The following TCF12 variants were observed in gnomAD, a reference collection of about 807,000 sequenced individuals.
TCF12 encodes transcription factor 12, also known as DNA-binding protein HTF4.
In TCF12, 45 loss-of-function variants were observed where a neutral mutation model predicts 86.0. That is an observed-to-expected ratio of 0.52 (90% CI 0.41 to 0.67). The LOEUF (loss-of-function observed/expected upper bound fraction) is 0.67, where lower values mean the gene tolerates loss of function less well. Ranked by LOEUF, TCF12 falls within the 30% of genes least tolerant of loss-of-function variation. TCF12 has a pLI of 0.00. For synonymous variants in TCF12, 330 were observed against 299.6 expected (o/e 1.10, Z -1.05); for missense variants, 881 against 859.9 (o/e 1.02, Z -0.31).
At chr15:56,955,674 A>G (rs923300249) in intron 3 of TCF12, among the ~76,000 whole-genome samples, 8 of 152,198 alleles carry the variant, frequency 5.3e-5, no homozygotes, top group African/African-American at 1.7e-4. Flanking sequence ...TGCCTTGGCA[A>G]ATGTTCTGTA....
chr15:57,202,866 T>C (rs1160746431), intron 8 of TCF12, among the ~76,000 whole-genome samples: 1 of 152,186 alleles, frequency 6.6e-6, no homozygotes, highest in Non-Finnish European at 1.5e-5. Flanking sequence ...GTACCTACTA[T>C]AAGTGTGGTG....
intron 3 of TCF12, among the ~76,000 whole-genome samples, chr15:57,008,006 G>A (rs76067176): frequency 0.014 from 2,036 of 149,976 alleles, 27 homozygotes; most frequent in Middle Eastern, 0.031. Context: ...TCTCACTGGA[G>A]TGCAGTGGCA....
At chr15:57,009,364 G>C (rs1203571031) in intron 3 of TCF12, among the ~76,000 whole-genome samples, 2 of 152,102 alleles carry the variant, frequency 1.3e-5, no homozygotes, top group Admixed American at 6.5e-5. Flanking sequence ...GTCCTCCTCA[G>C]CCTCCCAAAG....
intron 6 of TCF12, among the ~76,000 whole-genome samples, chr15:57,189,607 G>GCAAT (rs1597182552): frequency 6.6e-6 from 1 of 152,198 alleles, no homozygotes; most frequent in East Asian, 1.9e-4. Flanking sequence ...AGGATATGGA[G>GCAAT]AAATTGGAAC....
chr15:57,075,804 T>TTCTTTCTCTCTCTCTCTCTC lies in TCF12; in HGVS notation c.222+11984_222+11985insTTCTCTCTCTCTCTCTCTCT, dbSNP rs1461514777. On this transcript the variant is annotated intron_variant, in intron 4 of 20. Coordinates refer to ENST00000333725, the MANE Select transcript of TCF12 (RefSeq NM_207037.2). ...TTTCTTTCTTTCTTTCTTTCTTTCTTTCTCTCTCTCTCTCTCTCTCTCTCT... is the reference window on the plus strand; with the variant it reads ...TTTCTTTCTTTCTTTCTTTCTTTCTTTCTTTCTCTCTCTCTCTCTCTCTCTCTCTCTCTCTCTCTCTCTCT... 3.8e-3 allele frequency among the ~76,000 whole-genome samples: 109 copies of TTCTTTCTCTCTCTCTCTCTC among 28,580 alleles called. 3 individuals are homozygous for TTCTTTCTCTCTCTCTCTCTC. Among genetic ancestry groups the TTCTTTCTCTCTCTCTCTCTC allele is most frequent in the Non-Finnish European group, 5.2e-3 (81 of 15,550 alleles). 18.7% of individuals were successfully genotyped at this position (28,580 alleles called of 152,430 possible).
At chr15:57,251,317 C>T in intron 13 of TCF12, 33 bp from the exon 14 acceptor site, 1 of 1,591,514 alleles carries the variant, frequency 6.3e-7, no homozygotes, top group Non-Finnish European at 8.6e-7. Flanking sequence ...ACTGAGTTAA[C>T]CCAGGTGTGT....
At chr15:56,973,163 C>G (rs2062423305) in intron 3 of TCF12, among the ~76,000 whole-genome samples, 1 of 151,972 alleles carries the variant, frequency 6.6e-6, no homozygotes, top group African/African-American at 2.4e-5. Context: ...AACTCATTTC[C>G]CTCCCGCCTC....
intron 6 of TCF12, among the ~76,000 whole-genome samples, chr15:57,181,181 CGT>C (rs1334112469): frequency 2.0e-5 from 3 of 152,038 alleles, no homozygotes; most frequent in Admixed American, 6.6e-5. Context: ...AGTGGCTTGG[CGT>C]TTAAGCCAAG....
At chr15:57,169,441 C>T (rs986667332) in intron 6 of TCF12, among the ~76,000 whole-genome samples, 1 of 152,108 alleles carries the variant, frequency 6.6e-6, no homozygotes, top group Non-Finnish European at 1.5e-5. Context: ...AGGTTCAAGT[C>T]CCATCTCTGC....
intron 4 of TCF12, among the ~76,000 whole-genome samples, chr15:57,089,427 A>G (rs1172953773): frequency 1.3e-5 from 2 of 152,196 alleles, no homozygotes; most frequent in Admixed American, 6.5e-5. Flanking sequence ...AATCCCAGTC[A>G]TTAGCAGTGG....
chr15:57,032,142 A>G (rs2066236555), intron 3 of TCF12, among the ~76,000 whole-genome samples: 1 of 152,208 alleles, frequency 6.6e-6, no homozygotes, highest in African/African-American at 2.4e-5. Context: ...AGTCGTATAC[A>G]GACACCTTGG....
chr15:56,960,022 C>CT (rs1485095526), intron 3 of TCF12, among the ~76,000 whole-genome samples: 1 of 151,938 alleles, frequency 6.6e-6, no homozygotes, highest in East Asian at 1.9e-4. Flanking sequence ...AGTTAAAAAA[C>CT]CGCAGTTACT....
chr15:57,172,952 A>G (rs1396764972), intron 6 of TCF12, among the ~76,000 whole-genome samples: 1 of 151,460 alleles, frequency 6.6e-6, no homozygotes, highest in African/African-American at 2.4e-5. Context: ...ATTAAAAAAA[A>G]AAAAAAGAAA....
At chr15:56,970,669 TG>T (rs2140734108) in intron 3 of TCF12, among the ~76,000 whole-genome samples, 1 of 152,142 alleles carries the variant, frequency 6.6e-6, no homozygotes, top group South Asian at 2.1e-4. Flanking sequence ...GAGGAAAGAC[TG>T]ATACATTTGA....
chr15:57,035,076 T>C (rs866663344), intron 3 of TCF12, among the ~76,000 whole-genome samples: 1 of 152,178 alleles, frequency 6.6e-6, no homozygotes, highest in Admixed American at 6.5e-5. Context: ...CTTAATACTT[T>C]TATGTGTATT....
chr15:57,091,986 A>G (rs2151118500), intron 5 of TCF12, 95 bp downstream of exon 5: 2 of 1,001,474 alleles, frequency 2.0e-6, no homozygotes, highest in Non-Finnish European at 3.0e-6. Context: ...GTAAGTATCT[A>G]GAAGAAAGTT....
At chr15:57,247,814 C>T in intron 13 of TCF12, 1 of 752,562 alleles carries the variant, frequency 1.3e-6, no homozygotes, top group East Asian at 2.4e-5. Flanking sequence ...AGTCACAAAA[C>T]CAAAGCCCCT....
chr15:57,126,386 A>G (rs1281763978), intron 5 of TCF12, among the ~76,000 whole-genome samples: 1 of 152,184 alleles, frequency 6.6e-6, no homozygotes, highest in Non-Finnish European at 1.5e-5. Flanking sequence ...TGAGCCTTCT[A>G]CTTGCATTAT....
At chr15:56,932,007 A>G (rs2068660757) in intron 3 of TCF12, among the ~76,000 whole-genome samples, 1 of 152,194 alleles carries the variant, frequency 6.6e-6, no homozygotes, top group Admixed American at 6.5e-5. Flanking sequence ...CCATAGTGCC[A>G]GGGTCTCTCT....
Sources: gnomAD v4.1 joint callset for allele counts (sites outside exome capture counted in the v4.1 genomes callset) on GRCh38, gnomAD v4.1.1 for gene constraint, MANE v1.5 for transcripts, NCBI Gene and HGNC (gene_info 2026-07-23, HGNC 2026-07-21) for gene names.